The following RPTOR variants were observed in gnomAD, a reference collection of about 807,000 sequenced individuals.
RPTOR encodes the protein regulatory associated protein of MTOR complex 1.
In RPTOR, 21 loss-of-function variants were observed where a neutral mutation model predicts 169.9. The observed-to-expected ratio is 0.12, with a 90% CI of 0.09 to 0.18. RPTOR has a LOEUF of 0.18. RPTOR is among the 10% of genes least tolerant of loss of function. The probability of loss-of-function intolerance (pLI) is 1.00; values close to 1 mark genes in which losing one functional copy is unlikely to be tolerated. For missense variants in RPTOR, 1,133 were observed against 1,855.9 expected (o/e 0.61, Z 7.16); for synonymous variants, 732 against 753.2 (o/e 0.97, Z 0.46).
In RPTOR at chr17:80,860,005, G is replaced by A. The variant is rs2067899871; in HGVS notation, c.1509+2105G>A. On this transcript the variant is annotated intron_variant, in intron 13 of 33. Coordinates refer to ENST00000306801, the MANE Select transcript of RPTOR (RefSeq NM_020761.3). The surrounding 1 kb of genome is among the most constrained non-coding windows in gnomAD (Gnocchi z 5.8). ...TAGCAAAGTCACAGAGCAAGTACAGGAGAGTGCCAAGAACACCTTGGAGAG... is the reference window on the plus strand; with the variant it reads ...TAGCAAAGTCACAGAGCAAGTACAGAAGAGTGCCAAGAACACCTTGGAGAG... Among the ~76,000 whole-genome samples the A allele has an allele frequency of 6.6e-6, 1 of 152,194 alleles. No homozygotes were observed. The highest frequency in any genetic ancestry group is 2.4e-5 in the African/African-American group (1 of 41,470).
intron 1 of RPTOR, among the ~76,000 whole-genome samples, chr17:80,611,372 C>T (rs1462592959): frequency 6.6e-6 from 1 of 152,118 alleles, no homozygotes; most frequent in Non-Finnish European, 1.5e-5. Flanking sequence ...AGTGATTCTC[C>T]TGCCTCAGCC....
chr17:80,859,078 C>T (rs1010243382), intron 13 of RPTOR, among the ~76,000 whole-genome samples: 33 of 152,210 alleles, frequency 2.2e-4, no homozygotes, highest in African/African-American at 7.5e-4. Context: ...AGAGGCGACT[C>T]GGGCTGAAGC....
At chr17:80,685,627 A>ATTTTTTTTTTTT (rs1165540456) in intron 3 of RPTOR, among the ~76,000 whole-genome samples, 6 of 30,680 alleles carry the variant, frequency 2.0e-4, no homozygotes, top group Non-Finnish European at 2.7e-4. Context: ...ATATATATAT[A>ATTTTTTTTTTTT]TTTTTTTTTT....
rs762166351 is a variant in RPTOR, at chr17:80,555,071, A to G, written c.162+9280A>G. Among the ~76,000 whole-genome samples, 8 of 152,210 alleles carry G rather than the reference A, an allele frequency of 5.3e-5. No homozygotes were observed. The South Asian group carries it at 6.2e-4, about 12-fold the overall frequency. ...GGTCTTCAGGAACCTTTAAGACCGTAAAGGGGCCCTGCTGCCAGATGTTTG... is the reference window on the plus strand; with the variant it reads ...GGTCTTCAGGAACCTTTAAGACCGTGAAGGGGCCCTGCTGCCAGATGTTTG... On this transcript the variant is annotated intron_variant, in intron 1 of 33. Transcript: ENST00000306801.
At chr17:80,700,697 A>G (rs1317421246) in intron 3 of RPTOR, among the ~76,000 whole-genome samples, 167 of 22,946 alleles carry the variant, frequency 7.3e-3, no homozygotes, top group Non-Finnish European at 8.9e-3. Flanking sequence ...GGTGATGGTG[A>G]TGGTGGTGGT....
In RPTOR at chr17:80,844,554, G is replaced by A. The variant is rs2067705121; in HGVS notation, c.1213-1919G>A. ...TATGAATAATTCACACTTGAAAACA[G>A]GAAAATCACTCTGGGGGCTCCAAGC... On this transcript the variant is annotated intron_variant, in intron 10 of 33. Transcript: ENST00000306801. The surrounding 1 kb of genome is among the most constrained non-coding windows in gnomAD (Gnocchi z 4.7). 6.6e-6 allele frequency among the ~76,000 whole-genome samples: 1 copy of A among 152,184 alleles called. No homozygotes were observed. Among genetic ancestry groups the A allele is most frequent in the Non-Finnish European group, 1.5e-5 (1 of 68,042 alleles).
intron 20 of RPTOR, among the ~76,000 whole-genome samples, chr17:80,905,953 G>T (rs1394435565): frequency 6.6e-6 from 1 of 152,218 alleles, no homozygotes; most frequent in African/African-American, 2.4e-5. Context: ...CCTTCACGGG[G>T]CAGTCGAGCC....
intron 7 of RPTOR, among the ~76,000 whole-genome samples, chr17:80,808,109 A>G (rs893425961): frequency 1.3e-5 from 2 of 150,746 alleles, no homozygotes; most frequent in African/African-American, 4.9e-5. Context: ...AGCCTGGGCA[A>G]CATGATAAGA....
At chr17:80,757,091 G>A (rs1034499817) in intron 6 of RPTOR, among the ~76,000 whole-genome samples, 3 of 152,234 alleles carry the variant, frequency 2.0e-5, no homozygotes, top group East Asian at 1.9e-4. Flanking sequence ...GGAAAGGGTC[G>A]AGATGGGAAA....
At chr17:80,581,745 C>T (rs1336025595) in intron 1 of RPTOR, among the ~76,000 whole-genome samples, 1 of 152,126 alleles carries the variant, frequency 6.6e-6, no homozygotes, top group Non-Finnish European at 1.5e-5. Flanking sequence ...GCCTGCTATT[C>T]TCTGCAGTGG....
chr17:80,880,592 A>G, intron 14 of RPTOR, 103 bp downstream of exon 14: 1 of 1,120,706 alleles, frequency 8.9e-7, no homozygotes, highest in South Asian at 1.3e-5. Flanking sequence ...CTACAGGAGA[A>G]AGGTCAAGGG....
chr17:80,928,444 G>A (rs2068838036), intron 24 of RPTOR, among the ~76,000 whole-genome samples: 1 of 152,162 alleles, frequency 6.6e-6, no homozygotes, highest in African/African-American at 2.4e-5. Flanking sequence ...CTGCAAACCC[G>A]AAACTGCTTC....
intron 7 of RPTOR, among the ~76,000 whole-genome samples, chr17:80,813,622 C>T (rs1402111525): frequency 6.6e-6 from 1 of 152,188 alleles, no homozygotes; most frequent in Non-Finnish European, 1.5e-5. Flanking sequence ...CCATTATGCA[C>T]TGACCTGGAT....
chr17:80,567,493 T>G (rs1375217588), intron 1 of RPTOR, among the ~76,000 whole-genome samples: 1 of 152,034 alleles, frequency 6.6e-6, no homozygotes, highest in African/African-American at 2.4e-5. Context: ...TACATTGTTA[T>G]TACTTAAAAA....
rs371332995 is a variant in RPTOR at position 80,961,162 on chromosome 17, T to C, written c.3606-232T>C. ...GTCCTCCAGCGGCCTGACGGTGACC[T>C]AGGGCCCAGCCCTGAGCCAGCCTGG... On this transcript the variant is annotated intron_variant, in intron 30 of 33. Coordinates refer to ENST00000306801, the MANE Select transcript of RPTOR (RefSeq NM_020761.3). Among the ~76,000 whole-genome samples, 82 of 152,352 alleles carry C rather than the reference T, an allele frequency of 5.4e-4. 1 individual carries two copies. The South Asian group carries it at 0.012, about 22-fold the overall frequency.
intron 3 of RPTOR, among the ~76,000 whole-genome samples, chr17:80,679,606 TTTA>T (rs1229402195): frequency 6.6e-6 from 1 of 152,244 alleles, no homozygotes; most frequent in Non-Finnish European, 1.5e-5. Flanking sequence ...ACTTTAAATT[TTTA>T]TTATTCTGAG....
Position 80,801,186 on chromosome 17 carries a change from G to T in RPTOR, c.890+9677G>T, listed in dbSNP as rs115435175. Among the ~76,000 whole-genome samples the T allele has an allele frequency of 6.1e-3, 928 of 152,322 alleles. 15 individuals are homozygous for T. Among genetic ancestry groups the T allele is most frequent in the African/African-American group, 0.021 (888 of 41,564 alleles). On this transcript the variant is annotated intron_variant, in intron 7 of 33. Transcript: ENST00000306801. The stretch of plus-strand genomic sequence containing the variant: ...GCTGCTTGAGAGCACGTGGCTATCC[G>T]TGCTTCCTGGGGAATGATAGTGACC...
chr17:80,689,838 GATA>G, intron 3 of RPTOR, among the ~76,000 whole-genome samples: 1 of 152,274 alleles, frequency 6.6e-6, no homozygotes, highest in Non-Finnish European at 1.5e-5. Flanking sequence ...TTCTAGGTAT[GATA>G]ATCTTTCAGA....
At chr17:80,951,030 C>T (rs73357887) in intron 28 of RPTOR, among the ~76,000 whole-genome samples, 2,792 of 152,238 alleles carry the variant, frequency 0.018, 86 homozygotes, top group African/African-American at 0.063. Flanking sequence ...AGGACACACC[C>T]GTGGCTAGCC....
Sources: allele counts gnomAD v4.1 joint callset (sites outside exome capture counted in the v4.1 genomes callset), GRCh38; gene constraint gnomAD v4.1.1; non-coding constraint Gnocchi (gnomAD v3.1); transcripts MANE v1.5; gene names NCBI Gene and HGNC (gene_info 2026-07-23, HGNC 2026-07-21).